The following EXD3 variants were observed in gnomAD, a reference collection of about 807,000 sequenced individuals.
EXD3 encodes the protein exonuclease 3'-5' domain containing 3, also known as exonuclease mut-7 homolog.
Under a neutral mutation model 98.0 loss-of-function variants are expected in EXD3, and 92 were observed. That is an observed-to-expected ratio of 0.94 (90% CI 0.79 to 1.12). EXD3 has a LOEUF of 1.12. Among genes scored for constraint, EXD3 ranks in the 50% most tolerant of loss-of-function variants. The probability of loss-of-function intolerance (pLI) is 0.00; values close to 1 mark genes in which losing one functional copy is unlikely to be tolerated. For missense variants in EXD3, 1,222 were observed against 1,191.6 expected, an observed-to-expected ratio of 1.03 and a Z score of -0.38; for synonymous variants, 569 against 526.0, an observed-to-expected ratio of 1.08 and a Z score of -1.12.
Position 137,403,738 on chromosome 9 carries a change from G to A in EXD3, c.-47-8334C>T, listed in dbSNP as rs976528606. ...CAGACCCAGCCACGCAGAGCCCACC[G>A]CCAGCTTCCAAGGGCTCCAGAAAGT... is the stretch of plus-strand genomic sequence containing the variant. On this transcript the variant is annotated intron_variant, in intron 1 of 21. Transcript: ENST00000340951. This position sits in a 1 kb window ranked among gnomAD's most constrained non-coding sequence, Gnocchi z 6.1. 7.2e-5 allele frequency among the ~76,000 whole-genome samples: 11 copies of A among 152,270 alleles called. No individual in the cohort carries two copies. Among genetic ancestry groups the A allele is most frequent in the Admixed American group, 2.0e-4 (3 of 15,302 alleles).
intron 12 of EXD3, 87 bp downstream of exon 12, chr9:137,351,979 C>G: frequency 6.7e-7 from 1 of 1,491,412 alleles, no homozygotes; most frequent in Admixed American, 2.1e-5. Flanking sequence ...CCTTGCCTCT[C>G]TCCGAATGCC....
intron 1 of EXD3, among the ~76,000 whole-genome samples, chr9:137,410,013 A>T (rs1202181012): frequency 6.6e-6 from 1 of 152,118 alleles, no homozygotes; most frequent in East Asian, 1.9e-4. Flanking sequence ...TGTCTCTACT[A>T]AAAATACAAA....
chr9:137,358,311 C>G (rs1834891816), intron 7 of EXD3, among the ~76,000 whole-genome samples: 1 of 152,194 alleles, frequency 6.6e-6, no homozygotes, highest in African/African-American at 2.4e-5. Flanking sequence ...CTGTGCACCT[C>G]CAGCAAGGGT....
chr9:137,314,151 G>C (rs1831510939), intron 19 of EXD3, among the ~76,000 whole-genome samples: 1 of 152,190 alleles, frequency 6.6e-6, no homozygotes, highest in Non-Finnish European at 1.5e-5. Context: ...GGGCGAGCCA[G>C]CGGCCCAGGA....
intron 1 of EXD3, among the ~76,000 whole-genome samples, chr9:137,398,784 A>G (rs1368493336): frequency 3.4e-5 from 4 of 116,312 alleles, no homozygotes; most frequent in African/African-American, 1.4e-4. Context: ...CGTGACACAC[A>G]GGCACCCGCG....
At position 137,412,095 on chromosome 9, in the gene EXD3, A is replaced by G. The variant is rs117556847; in HGVS notation, c.-48+11019T>C. Among the ~76,000 whole-genome samples the G allele has an allele frequency of 0.012, 1,819 of 152,280 alleles. 165 individuals are homozygous for G. In the East Asian group the frequency reaches 0.25, roughly 21 times the overall value. On this transcript the variant is annotated intron_variant, in intron 1 of 21. Coordinates refer to ENST00000340951, the MANE Select transcript of EXD3 (RefSeq NM_017820.5). ...TTACTGCCCTCTTCTGAGAGCGCCA[A>G]CCTTGAGGGCCCTGCAGCCGCCACC...
intron 3 of EXD3, among the ~76,000 whole-genome samples, chr9:137,380,352 CCCGTCCGGGCAT>C (rs1836175142): frequency 9.2e-6 from 1 of 108,594 alleles, no homozygotes; most frequent in Non-Finnish European, 1.9e-5. Flanking sequence ...CACCCCAACC[CCCGTCCGGGCAT>C]CCCCCTCAAT....
At chr9:137,412,113 C>T (rs1838033827) in intron 1 of EXD3, among the ~76,000 whole-genome samples, 1 of 152,206 alleles carries the variant, frequency 6.6e-6, no homozygotes, top group Non-Finnish European at 1.5e-5. Flanking sequence ...GGCCCTGCAG[C>T]CGCCACCCCC....
rs755618066 is a variant in EXD3 at position 137,373,031 on chromosome 9, T to A, written c.336A>T (p.Lys112Asn). 15 of 1,602,564 alleles carry A rather than the reference T, an allele frequency of 9.4e-6. No individual in the cohort carries two copies. The South Asian group carries it at 1.7e-4, about 18-fold the overall frequency. ...GGCTGGGGGGGCTCTCAGTGAGGAC[T>A]TTGACCGCTCGGGCCTGCAGCTGCT... ...RLKQLQARAV[K>N]VLTESPPSLA... Residue 112 changes from lysine to asparagine, a missense_variant, in exon 5 of 22, where the codon AAA becomes AAT. Coordinates refer to ENST00000340951, the MANE Select transcript of EXD3 (RefSeq NM_017820.5).
intron 7 of EXD3, among the ~76,000 whole-genome samples, chr9:137,360,910 T>C (rs1460674879): frequency 1.1e-5 from 1 of 87,358 alleles, no homozygotes; most frequent in African/African-American, 3.2e-5. Flanking sequence ...TTTTTTGGTT[T>C]TCCTTCCCTA....
At chr9:137,414,018 G>A (rs548132130) in intron 1 of EXD3, among the ~76,000 whole-genome samples, 43 of 150,134 alleles carry the variant, frequency 2.9e-4, no homozygotes, top group South Asian at 8.4e-4. Flanking sequence ...CCGGGTTTAC[G>A]CCATTCTCCT....
intron 19 of EXD3, among the ~76,000 whole-genome samples, chr9:137,317,951 G>C (rs1431064936): frequency 1.3e-5 from 2 of 152,158 alleles, no homozygotes; most frequent in Admixed American, 6.5e-5. Flanking sequence ...CGTGGGAATG[G>C]GGTCTGGGCT....
At chr9:137,414,395 A>T (rs1838143557) in intron 1 of EXD3, among the ~76,000 whole-genome samples, 1 of 152,190 alleles carries the variant, frequency 6.6e-6, no homozygotes, top group African/African-American at 2.4e-5. Context: ...TCTGGCTGTT[A>T]TAAACAGTGC....
chr9:137,382,115 G>A (rs1427135500), intron 3 of EXD3, among the ~76,000 whole-genome samples: 1 of 140,580 alleles, frequency 7.1e-6, no homozygotes, highest in Non-Finnish European at 1.5e-5. Flanking sequence ...CAGGGCGGCG[G>A]TGGAGGTGAG....
chr9:137,413,629 G>C (rs1838104709), intron 1 of EXD3, among the ~76,000 whole-genome samples: 1 of 151,208 alleles, frequency 6.6e-6, no homozygotes, highest in South Asian at 2.1e-4. Flanking sequence ...AGTCTCCTGA[G>C]TAGCTGGGAC....
rs537652327 is a variant in EXD3, at chr9:137,334,906, T to C, written c.1999-10763A>G. ...TCCTGGCTAACACAGTGAAACCCCA[T>C]CTCTACTAAAAATACAAAAAATGAG... On this transcript the variant is annotated intron_variant, in intron 17 of 21. Coordinates refer to ENST00000340951, the MANE Select transcript of EXD3 (RefSeq NM_017820.5). 1.7e-3 allele frequency among the ~76,000 whole-genome samples: 251 copies of C among 151,562 alleles called. 1 individual carries two copies. The highest frequency in any genetic ancestry group is 5.9e-3 in the African/African-American group (245 of 41,304).
chr9:137,399,837 T>C (rs936719681), intron 1 of EXD3, among the ~76,000 whole-genome samples: 1 of 151,922 alleles, frequency 6.6e-6, no homozygotes, highest in East Asian at 1.9e-4. Context: ...CAGGAGTTCA[T>C]GACCAGCCTG....
chr9:137,311,054 G>A (rs968940895), intron 19 of EXD3, among the ~76,000 whole-genome samples: 1 of 152,200 alleles, frequency 6.6e-6, no homozygotes, highest in African/African-American at 2.4e-5. Context: ...TGAGCCTTTC[G>A]AAACTAAGAG....
chr9:137,389,667 A>G (rs920746097), intron 2 of EXD3, among the ~76,000 whole-genome samples: 6 of 152,150 alleles, frequency 3.9e-5, no homozygotes, highest in Admixed American at 3.9e-4. Context: ...AGAGAGGGAC[A>G]GTGAGACCAG....
Sources: allele counts gnomAD v4.1 joint callset (sites outside exome capture counted in the v4.1 genomes callset), GRCh38; gene constraint gnomAD v4.1.1; non-coding constraint Gnocchi (gnomAD v3.1); transcripts MANE v1.5; gene names NCBI Gene and HGNC (gene_info 2026-07-23, HGNC 2026-07-21).